Variants in NAALADL2 observed in about 807,000 individuals in gnomAD.
NAALADL2 encodes inactive N-acetylated-alpha-linked acidic dipeptidase-like protein 2.
A neutral mutation model predicts 87.2 loss-of-function variants in NAALADL2; 76 were observed. That is an observed-to-expected ratio of 0.87 (90% CI 0.72 to 1.05). The LOEUF is 1.05. NAALADL2 is among the 50% of genes least tolerant of loss of function. NAALADL2 has a pLI of 0.00. For missense variants in NAALADL2, 1,089 were observed against 945.8 expected (o/e 1.15, Z -1.99); for synonymous variants, 354 against 331.0 (o/e 1.07, Z -0.75).
chr3:175,048,826 T>C (rs1253634415), intron 1 of NAALADL2, among the ~76,000 whole-genome samples: 1 of 152,158 alleles, frequency 6.6e-6, no homozygotes, highest in Non-Finnish European at 1.5e-5. Flanking sequence ...GCATTCATAA[T>C]ACACCCTGGG....
chr3:175,412,654 A>G lies in NAALADL2; in HGVS notation c.1091-34575A>G, dbSNP rs917261615. 9.2e-5 allele frequency among the ~76,000 whole-genome samples: 14 copies of G among 152,156 alleles called. 1 individual carries two copies. In the South Asian group the frequency reaches 1.0e-3, roughly 11 times the overall value. ...GTGTTTTGAACATTCTCATTAACGA[A>G]TCAGTTCCTTCAGTACATAAGGCTC... is the stretch of plus-strand genomic sequence containing the variant. On this transcript the variant is annotated intron_variant, in intron 5 of 13. Transcript: ENST00000454872.
At chr3:174,688,480 TA>T (rs1479652916) in intron 2 of NAALADL2, among the ~76,000 whole-genome samples, 3 of 146,090 alleles carry the variant, frequency 2.1e-5, no homozygotes, top group Admixed American at 6.9e-5. Flanking sequence ...CTATCTCATA[TA>T]GTTGTTGTGA....
chr3:174,876,880 C>A (rs1406326018), intron 1 of NAALADL2, among the ~76,000 whole-genome samples: 2 of 151,588 alleles, frequency 1.3e-5, no homozygotes, highest in Non-Finnish European at 2.9e-5. Context: ...TTCCACCATT[C>A]TGGAAGCTGG....
Position 174,920,219 on chromosome 3 carries a change from A to G in NAALADL2, c.43+60769A>G, listed in dbSNP as rs140583545. On this transcript the variant is annotated intron_variant, in intron 1 of 13. Coordinates refer to ENST00000454872, the MANE Select transcript of NAALADL2 (RefSeq NM_207015.3). ...GTCAGACTGTCTCTTCAAGCCTTGA[A>G]GTCAGGCATCGACTCCTCCTCTCTA... Among the ~76,000 whole-genome samples the G allele has an allele frequency of 3.3e-5, 5 of 152,322 alleles. No homozygotes were observed. In the East Asian group the frequency reaches 9.6e-4, roughly 29 times the overall value.
intron 1 of NAALADL2, among the ~76,000 whole-genome samples, chr3:174,932,428 T>C (rs1317547754): frequency 1.3e-5 from 2 of 152,196 alleles, no homozygotes; most frequent in African/African-American, 4.8e-5. Flanking sequence ...TCATCTGTCT[T>C]AATTTCTCTA....
chr3:174,760,481 A>G (rs114856664), intron 3 of NAALADL2, among the ~76,000 whole-genome samples: 2,934 of 152,310 alleles, frequency 0.019, 104 homozygotes, highest in African/African-American at 0.065. Context: ...GGGACTGTGG[A>G]CAGTCCAGAC....
chr3:174,748,460 C>T (rs1734499187), intron 3 of NAALADL2, among the ~76,000 whole-genome samples: 1 of 151,860 alleles, frequency 6.6e-6, no homozygotes, highest in Non-Finnish European at 1.5e-5. Flanking sequence ...TTAGCCTTGA[C>T]CCCTTGGTTT....
intron 5 of NAALADL2, among the ~76,000 whole-genome samples, chr3:175,342,860 A>G (rs996187872): frequency 1.3e-5 from 2 of 152,078 alleles, no homozygotes; most frequent in Admixed American, 6.6e-5. Context: ...GGGTGAGGGA[A>G]GCTGTGACTT....
chr3:174,455,746 G>GAA lies in NAALADL2; in HGVS notation c.-184+14716_-184+14717dup, dbSNP rs199922206. Among the ~76,000 whole-genome samples, 1,510 of 152,118 alleles carry GAA rather than the reference G, an allele frequency of 9.9e-3. 28 individuals are homozygous for GAA. Among genetic ancestry groups the GAA allele is most frequent in the African/African-American group, 0.035 (1,453 of 41,502 alleles). ...TCAAAATAATAGGAGCCATCTATGAGAAACCCACAGTCAACATCATACTGA... is the reference window on the plus strand; with the variant it reads ...TCAAAATAATAGGAGCCATCTATGAGAAAAACCCACAGTCAACATCATACTGA... On this transcript the variant is annotated intron_variant, in intron 1 of 3. Coordinates refer to the NAALADL2 transcript ENST00000434257.
intron 2 of NAALADL2, among the ~76,000 whole-genome samples, chr3:175,146,946 C>G (rs565417723): frequency 3.3e-5 from 5 of 152,118 alleles, no homozygotes; most frequent in African/African-American, 9.6e-5. Context: ...ATGTAAATGG[C>G]TAAATTTTAA....
intron 1 of NAALADL2, chr3:174,523,553 G>T (rs1720463198): frequency 6.6e-6 from 1 of 152,150 alleles, no homozygotes; most frequent in South Asian, 2.1e-4. Flanking sequence ...ATAAAGGTAT[G>T]TAATAGGTTG....
chr3:174,574,478 T>C (rs1484873746), intron 2 of NAALADL2, among the ~76,000 whole-genome samples: 1 of 152,156 alleles, frequency 6.6e-6, no homozygotes, highest in Non-Finnish European at 1.5e-5. Flanking sequence ...GTTATGAACA[T>C]GATATGTTAT....
At chr3:175,145,911 T>C (rs1730684107) in intron 2 of NAALADL2, among the ~76,000 whole-genome samples, 1 of 152,138 alleles carries the variant, frequency 6.6e-6, no homozygotes, top group Non-Finnish European at 1.5e-5. Flanking sequence ...TTCTTTATCA[T>C]TTCAGACATA....
At chr3:175,074,851 T>C (rs916337248) in intron 1 of NAALADL2, among the ~76,000 whole-genome samples, 4 of 151,952 alleles carry the variant, frequency 2.6e-5, no homozygotes, top group African/African-American at 4.8e-5. Flanking sequence ...TCTACTATTA[T>C]GTTAGTTAAG....
chr3:174,519,474 T>G (rs1720135222), intron 1 of NAALADL2, among the ~76,000 whole-genome samples: 1 of 151,804 alleles, frequency 6.6e-6, no homozygotes, highest in African/African-American at 2.4e-5. Flanking sequence ...GATTATTATA[T>G]GCATGCGACA....
At chr3:174,701,813 G>C (rs1227779179) in intron 2 of NAALADL2, among the ~76,000 whole-genome samples, 1 of 152,062 alleles carries the variant, frequency 6.6e-6, no homozygotes, top group Non-Finnish European at 1.5e-5. Flanking sequence ...CATTGGAAGG[G>C]TATATCACCA....
chr3:174,832,368 C>A (rs1722824606), intron 3 of NAALADL2, among the ~76,000 whole-genome samples: 1 of 151,910 alleles, frequency 6.6e-6, no homozygotes, highest in Admixed American at 6.6e-5. Context: ...CGTTATGTAC[C>A]CAGTAGTCAT....
intron 2 of NAALADL2, among the ~76,000 whole-genome samples, chr3:174,697,918 G>A (rs550012495): frequency 5.9e-5 from 9 of 151,714 alleles, no homozygotes; most frequent in African/African-American, 1.9e-4. Flanking sequence ...GGTGAAACCC[G>A]GTCTCTACTA....
intron 2 of NAALADL2, among the ~76,000 whole-genome samples, chr3:174,681,024 T>G (rs1727484702): frequency 6.6e-6 from 1 of 152,090 alleles, no homozygotes; most frequent in Non-Finnish European, 1.5e-5. Flanking sequence ...ATCTGTGTGC[T>G]TGGAGGAGGG....
Sources: allele counts gnomAD v4.1 joint callset (sites outside exome capture counted in the v4.1 genomes callset), GRCh38; gene constraint gnomAD v4.1.1; transcripts MANE v1.5; gene names NCBI Gene and HGNC (gene_info 2026-07-23, HGNC 2026-07-21).